LIPG: variants seen among roughly 807,000 people sequenced by gnomAD.
The protein encoded by LIPG is endothelial lipase.
Under a neutral mutation model 51.8 loss-of-function variants are expected in LIPG, and 34 were observed. That is an observed-to-expected ratio of 0.66 (90% CI 0.50 to 0.87). LIPG has a LOEUF of 0.87. Ranked by LOEUF, LIPG falls within the 40% of genes least tolerant of loss-of-function variation. The probability of loss-of-function intolerance (pLI) is 0.00; values close to 1 mark genes in which losing one functional copy is unlikely to be tolerated. For synonymous variants in LIPG, 246 were observed against 246.1 expected (o/e 1.00, Z 0.00); for missense variants, 580 against 652.7 (o/e 0.89, Z 1.21).
intron 3 of LIPG, 194 bp downstream of exon 3, chr18:49,567,815 T>C (rs1026933843): frequency 2.0e-5 from 12 of 588,644 alleles, no homozygotes; most frequent in Non-Finnish European, 3.2e-5. Context: ...CTTTTAATTA[T>C]TGATAGATCT....
At chr18:49,576,457 C>CCTTTTT (rs2084718955) in intron 5 of LIPG, among the ~76,000 whole-genome samples, 1 of 51,546 alleles carries the variant, frequency 1.9e-5, no homozygotes, top group African/African-American at 8.5e-5. Context: ...CAGAATCTTG[C>CCTTTTT]TTTTTTTTTT....
chr18:49,565,437 C>A lies in LIPG; in HGVS notation c.218C>A (p.Pro73His). ...TACCTCTCCGTCGGCCACAGCCAGC[C>A]CTTAGAAGACTGCAGTTTCAACATG... is the stretch of plus-strand genomic sequence containing the variant. ...GCYLSVGHSQ[P>H]LEDCSFNMTA... The change falls in exon 2 of 10, where the codon CCC (proline) becomes CAC (histidine). Residue 73 changes from proline (P) to histidine (H), a missense_variant. Coordinates refer to ENST00000261292, the MANE Select transcript of LIPG (RefSeq NM_006033.4). 1 of 1,614,200 alleles carries A rather than the reference C, an allele frequency of 6.2e-7. No individual in the cohort carries two copies. The highest frequency in any genetic ancestry group is 2.2e-5 in the East Asian group (1 of 44,884).
rs1436152417 is a variant in LIPG at position 49,590,693 on chromosome 18, G to A, written c.*171G>A. ...GATGGCTGGGACTCCTCGCGGGAGG[G>A]GACTGCGCTGCTATAGCTCTTGCTG... On this transcript the variant is annotated 3_prime_UTR_variant, in exon 10 of 10. Transcript: ENST00000261292. The A allele has an allele frequency of 4.2e-6, 3 of 706,060 alleles. No homozygotes were observed. Among genetic ancestry groups the A allele is most frequent in the Non-Finnish European group, 7.6e-6 (3 of 397,106 alleles). The allele number at this position is 706,060 out of a possible 1,614,324, so 43.7% of individuals were successfully genotyped here.
intron 8 of LIPG, among the ~76,000 whole-genome samples, chr18:49,584,201 A>G (rs915666321): frequency 1.3e-5 from 2 of 152,158 alleles, no homozygotes; most frequent in African/African-American, 4.8e-5. Context: ...CCCATGGATG[A>G]GGTCTGTGGG....
Position 49,581,867 on chromosome 18 carries a change from A to ACAT in LIPG, c.1036+210_1036+211insCAT. On this transcript the variant is annotated intron_variant, in intron 6 of 9. Transcript: ENST00000261292. ...GGACCCCTTTTGTGATGTGGCTATC[A>ACAT]GTCCATGATCACAATATCAATATCT... 8 of 638,936 alleles carry ACAT rather than the reference A, an allele frequency of 1.3e-5. No individual in the cohort carries two copies. The South Asian group carries it at 1.3e-4, about 10-fold the overall frequency. 39.6% of individuals were successfully genotyped at this position (638,936 alleles called of 1,614,324 possible). A position where few individuals can be genotyped will look rare whatever the true frequency, so the allele number is the denominator to read the frequency against.
In LIPG at chr18:49,567,495, A is replaced by G; in HGVS notation, c.333A>G (p.Thr111=). 1 of 1,614,182 alleles carries G rather than the reference A, an allele frequency of 6.2e-7. No individual in the cohort carries two copies. Among genetic ancestry groups the G allele is most frequent in the Non-Finnish European group, 8.5e-7 (1 of 1,180,038 alleles). The stretch of plus-strand genomic sequence containing the variant: ...ACAAACTCGTGTCAGCCCTGCACAC[A>G]AGAGAGAAAGACGCCAATGTAGTTG... ...WLHKLVSALH[T]REKDANVVVV... is the part of the protein sequence containing the mutation. The change falls in exon 3 of 10, where the codon ACA becomes ACG. Residue 111 remains threonine, a synonymous_variant. Transcript: ENST00000261292.
chr18:49,582,583 G>A (rs550327310), intron 7 of LIPG, 101 bp downstream of exon 7: 1 of 1,498,736 alleles, frequency 6.7e-7, no homozygotes, highest in Non-Finnish European at 9.3e-7. Flanking sequence ...GCACGCAGGA[G>A]AGTGCAGTCC....
chr18:49,593,246 T>TA lies in LIPG; in HGVS notation c.*2727dup, dbSNP rs2084962491. 2.0e-5 allele frequency: 3 copies of TA among 152,268 alleles called. No individual in the cohort carries two copies. The highest frequency in any genetic ancestry group is 6.5e-5 in the Admixed American group (1 of 15,280). 9.4% of individuals were successfully genotyped at this position (152,268 alleles called of 1,614,324 possible). ...TGAGCCACCGTGCCTGGCCAATTCT[T>TA]AAAGTTTGAAAGAATATAGCTGCCC... On this transcript the variant is annotated 3_prime_UTR_variant, in exon 10 of 10. Coordinates refer to ENST00000261292, the MANE Select transcript of LIPG (RefSeq NM_006033.4).
chr18:49,583,452 C>T, intron 7 of LIPG, 104 bp from the exon 8 acceptor site: 1 of 900,430 alleles, frequency 1.1e-6, no homozygotes, highest in Non-Finnish European at 1.8e-6. Flanking sequence ...CACACTGTCT[C>T]TCTCCTGTCT....
At chr18:49,582,545 A>C in intron 7 of LIPG, 63 bp downstream of exon 7, 1 of 1,603,136 alleles carries the variant, frequency 6.2e-7, no homozygotes, top group South Asian at 1.1e-5. Context: ...AGAATGAGAG[A>C]GCACAAGGGA....
chr18:49,581,881 A>G (rs542416660), intron 6 of LIPG: 1 of 611,408 alleles, frequency 1.6e-6, no homozygotes, highest in Admixed American at 3.0e-5. Flanking sequence ...CATGATCACA[A>G]TATCAATATC....
At chr18:49,578,828 C>T (rs2148852393) in intron 5 of LIPG, among the ~76,000 whole-genome samples, 2 of 151,062 alleles carry the variant, frequency 1.3e-5, no homozygotes, top group Admixed American at 1.3e-4. Context: ...GGAGACCGGC[C>T]CGGCCAACAC....
intron 4 of LIPG, among the ~76,000 whole-genome samples, chr18:49,572,197 G>A (rs1043845090): frequency 1.3e-5 from 2 of 152,150 alleles, no homozygotes; most frequent in Non-Finnish European, 1.5e-5. Context: ...GTGGGTGCCT[G>A]TAATCCCAGC....
chr18:49,578,862 A>G (rs1396728798), intron 5 of LIPG, among the ~76,000 whole-genome samples: 1 of 147,892 alleles, frequency 6.8e-6, no homozygotes, highest in Non-Finnish European at 1.5e-5. Context: ...CTCCACCAAA[A>G]CCAGTCAGGC....
At chr18:49,590,173 T>TTGTG (rs57137391) in intron 9 of LIPG, 35,246 of 369,564 alleles carry the variant, frequency 0.095, 890 homozygotes, top group East Asian at 0.2. Flanking sequence ...GTGTCCATGA[T>TTGTG]TGTGTGTGTG....
At position 49,583,702 on chromosome 18, in the gene LIPG, C is replaced by G; in HGVS notation, c.1304C>G (p.Ser435Cys). The G allele has an allele frequency of 6.2e-7, 1 of 1,614,210 alleles. No homozygotes were observed. Among genetic ancestry groups the G allele is most frequent in the Non-Finnish European group, 8.5e-7 (1 of 1,180,052 alleles). ...TGGAAGGAGTTTCGCAGCTACCTGTCTCAACCCCGCAACCCCGGACGGGAG... is the reference window on the plus strand; with the variant it reads ...TGGAAGGAGTTTCGCAGCTACCTGTGTCAACCCCGCAACCCCGGACGGGAG... ...NLWKEFRSYL[S>C]QPRNPGRELN... The change falls in exon 8 of 10, where the codon TCT becomes TGT. Residue 435 changes from serine (S) to cysteine (C), a missense_variant. By Grantham distance (112) the Ser-to-Cys change is moderately radical. Transcript: ENST00000261292.
In LIPG at chr18:49,591,061, G is replaced by GAGA; in HGVS notation, c.*539_*540insAGA. 9.5e-5 allele frequency: 17 copies of GAGA among 179,660 alleles called. No homozygotes were observed. The highest frequency in any genetic ancestry group is 3.2e-4 in the Admixed American group (6 of 18,614). The allele number at this position is 179,660 out of a possible 1,614,324, so 11.1% of individuals were successfully genotyped here. A position where few individuals can be genotyped will look rare whatever the true frequency, so the allele number is the denominator to read the frequency against. On this transcript the variant is annotated 3_prime_UTR_variant, in exon 10 of 10. Transcript: ENST00000261292. ...ATACTGCTTACGTCTTAGCCATTCCGTCCTGCTCCCCAGCTCACTCTCTGA... is the reference window on the plus strand; with the variant it reads ...ATACTGCTTACGTCTTAGCCATTCCGAGATCCTGCTCCCCAGCTCACTCTCTGA...
At position 49,568,872 on chromosome 18, in the gene LIPG, CCTAAGCTCTT is replaced by C. The variant is rs112465486; in HGVS notation, c.460-561_460-552del. On this transcript the variant is annotated intron_variant, in intron 3 of 9. Transcript: ENST00000261292. The stretch of plus-strand genomic sequence containing the variant: ...TCTCGAGCAGTCCCTCTGTCCTCTA[CCTAAGCTCTT>C]CTATAGAGTTTGGTTTCCGAGCCAT... Among the ~76,000 whole-genome samples the C allele has an allele frequency of 4.7e-3, 720 of 152,242 alleles. 7 individuals are homozygous for C. Among genetic ancestry groups the C allele is most frequent in the African/African-American group, 0.016 (645 of 41,540 alleles).
chr18:49,569,585 C>A, intron 4 of LIPG, 37 bp downstream of exon 4: 3 of 1,509,168 alleles, frequency 2.0e-6, no homozygotes, highest in Non-Finnish European at 1.8e-6. Flanking sequence ...GCTCCCTCAG[C>A]TGCGCTAAGC....
Sources: gnomAD v4.1 joint callset for allele counts (sites outside exome capture counted in the v4.1 genomes callset) on GRCh38, gnomAD v4.1.1 for gene constraint, MANE v1.5 for transcripts, NCBI Gene and HGNC (gene_info 2026-07-23, HGNC 2026-07-21) for gene names.